Variants in SLC24A3 observed in about 807,000 individuals in gnomAD.
SLC24A3 encodes the protein solute carrier family 24 member 3.
Under a neutral mutation model 75.8 loss-of-function variants are expected in SLC24A3, and 28 were observed. The ratio of observed to expected loss-of-function variants is 0.37; its 90% CI spans 0.27 to 0.51. The LOEUF (loss-of-function observed/expected upper bound fraction) is 0.51. SLC24A3 is among the 20% of genes least tolerant of loss of function. The pLI is 0.94. For synonymous variants in SLC24A3, 372 were observed against 334.1 expected, an observed-to-expected ratio of 1.11 and a Z score of -1.24; for missense variants, 663 against 847.8, an observed-to-expected ratio of 0.78 and a Z score of 2.71.
chr20:19,251,301 A>G (rs1034773845), intron 1 of SLC24A3, among the ~76,000 whole-genome samples: 1 of 152,162 alleles, frequency 6.6e-6, no homozygotes, highest in Non-Finnish European at 1.5e-5. Context: ...CTCTATTTCT[A>G]CATTAGGGAT....
intron 2 of SLC24A3, among the ~76,000 whole-genome samples, chr20:19,366,077 A>C (rs1337559246): frequency 4.6e-5 from 7 of 152,098 alleles, no homozygotes; most frequent in Admixed American, 3.9e-4. Flanking sequence ...CCTCATGATT[A>C]ACTTGCCCCA....
intron 3 of SLC24A3, among the ~76,000 whole-genome samples, chr20:19,569,578 C>T (rs959375451): frequency 2.0e-5 from 3 of 152,178 alleles, no homozygotes; most frequent in Admixed American, 6.5e-5. Context: ...ACCTTAGCCC[C>T]AGGGCTCCCA....
At chr20:19,669,281 C>T (rs573165989) in intron 8 of SLC24A3, among the ~76,000 whole-genome samples, 6 of 152,102 alleles carry the variant, frequency 3.9e-5, no homozygotes, top group Non-Finnish European at 7.4e-5. Flanking sequence ...GCAGGTGGAT[C>T]ACTTGAGGTT....
chr20:19,524,747 G>A, intron 3 of SLC24A3, among the ~76,000 whole-genome samples: 1 of 152,118 alleles, frequency 6.6e-6, no homozygotes, highest in Non-Finnish European at 1.5e-5. Context: ...AGCAGTCACA[G>A]ATCTGCATAA....
intron 4 of SLC24A3, among the ~76,000 whole-genome samples, chr20:19,580,986 G>A (rs1600288862): frequency 6.6e-6 from 1 of 152,302 alleles, no homozygotes; most frequent in Non-Finnish European, 1.5e-5. Flanking sequence ...GTGATGCTGA[G>A]GCTGCTGCCT....
chr20:19,286,383 G>C (rs1983819488), intron 2 of SLC24A3, among the ~76,000 whole-genome samples: 3 of 152,130 alleles, frequency 2.0e-5, no homozygotes, highest in African/African-American at 7.2e-5. Flanking sequence ...CCAGCAAGCA[G>C]AAAACATGCG....
At chr20:19,479,411 A>G (rs1227962870) in intron 2 of SLC24A3, among the ~76,000 whole-genome samples, 3 of 152,236 alleles carry the variant, frequency 2.0e-5, no homozygotes, top group African/African-American at 7.2e-5. Context: ...GAAGTGTTTC[A>G]TACAGATCTT....
chr20:19,363,343 A>T (rs1337790396), intron 2 of SLC24A3, among the ~76,000 whole-genome samples: 1 of 152,260 alleles, frequency 6.6e-6, no homozygotes, highest in Non-Finnish European at 1.5e-5. Context: ...TTCTCCCAGG[A>T]CATCAAATCT....
At chr20:19,338,512 A>G (rs148498672) in intron 2 of SLC24A3, among the ~76,000 whole-genome samples, 1,705 of 152,298 alleles carry the variant, frequency 0.011, 16 homozygotes, top group South Asian at 0.017. Flanking sequence ...GTGTCTGCTC[A>G]GTGCATTGTC....
chr20:19,576,280 A>G (rs939079256), intron 3 of SLC24A3, among the ~76,000 whole-genome samples: 1 of 152,186 alleles, frequency 6.6e-6, no homozygotes, highest in Admixed American at 6.5e-5. Context: ...TACTCTATTA[A>G]AACTATTTGT....
At chr20:19,213,678 C>G (rs188945544) in intron 1 of SLC24A3, among the ~76,000 whole-genome samples, 3 of 152,350 alleles carry the variant, frequency 2.0e-5, no homozygotes, top group East Asian at 1.9e-4. Context: ...CTGTCCGCTC[C>G]TCTACCGGTG....
intron 3 of SLC24A3, among the ~76,000 whole-genome samples, chr20:19,534,068 G>C (rs986586717): frequency 5.9e-5 from 9 of 152,236 alleles, no homozygotes; most frequent in African/African-American, 2.2e-4. Context: ...GGAAGCCTTT[G>C]AATAGCACTT....
At chr20:19,651,972 AT>A (rs1314260138) in intron 6 of SLC24A3, among the ~76,000 whole-genome samples, 1 of 152,082 alleles carries the variant, frequency 6.6e-6, no homozygotes, top group Non-Finnish European at 1.5e-5. Context: ...AATTCTTCAA[AT>A]GCTGGATCTC....
At chr20:19,310,969 C>A (rs554764269) in intron 2 of SLC24A3, among the ~76,000 whole-genome samples, 1 of 151,678 alleles carries the variant, frequency 6.6e-6, no homozygotes, top group South Asian at 2.1e-4. Flanking sequence ...CTTTTTTATT[C>A]CCCCTCTATG....
chr20:19,213,462 A>G (rs566339006), intron 1 of SLC24A3: 1 of 152,674 alleles, frequency 6.5e-6, no homozygotes, highest in South Asian at 2.1e-4. Flanking sequence ...GGATGGCCCG[A>G]GTAGAGAGCT....
At chr20:19,306,837 A>C (rs1283037128) in intron 2 of SLC24A3, among the ~76,000 whole-genome samples, 1 of 152,088 alleles carries the variant, frequency 6.6e-6, no homozygotes, top group Non-Finnish European at 1.5e-5. Flanking sequence ...CTGCACATGT[A>C]CCCGCAGAGT....
intron 3 of SLC24A3, among the ~76,000 whole-genome samples, chr20:19,571,934 A>G (rs938714994): frequency 2.0e-5 from 3 of 152,196 alleles, no homozygotes; most frequent in Non-Finnish European, 4.4e-5. Context: ...CTCTCTCAGA[A>G]GCAGACCTTG....
intron 2 of SLC24A3, among the ~76,000 whole-genome samples, chr20:19,419,627 T>A (rs1986883686): frequency 6.6e-6 from 1 of 151,874 alleles, no homozygotes; most frequent in Non-Finnish European, 1.5e-5. Context: ...AGGGGAGGGA[T>A]GTGAAGGGGC....
chr20:19,522,101 C>T (rs530701017), intron 3 of SLC24A3, among the ~76,000 whole-genome samples: 1 of 152,230 alleles, frequency 6.6e-6, no homozygotes, highest in Admixed American at 6.5e-5. Context: ...TGAAATGTGG[C>T]TAGTGTGAAT....
Sources: gnomAD v4.1 joint callset for allele counts (sites outside exome capture counted in the v4.1 genomes callset) on GRCh38, gnomAD v4.1.1 for gene constraint, MANE v1.5 for transcripts, NCBI Gene and HGNC (gene_info 2026-07-23, HGNC 2026-07-21) for gene names.